FAM83B: variants seen among roughly 807,000 people sequenced by gnomAD.
FAM83B encodes scaffolding CK1 anchoring protein B.
Under a neutral mutation model 38.8 loss-of-function variants are expected in FAM83B, and 26 were observed. The observed-to-expected ratio is 0.67, with a 90% CI of 0.49 to 0.93. The LOEUF (loss-of-function observed/expected upper bound fraction) is 0.93. Among genes scored for constraint, FAM83B ranks in the 40% least tolerant of loss-of-function variants. The pLI is 0.00. For missense variants in FAM83B, 1,237 were observed against 1,197.3 expected (o/e 1.03, Z -0.49); for synonymous variants, 419 against 423.1 (o/e 0.99, Z 0.12).
At chr6:54,883,341 T>TTG (rs1772182259) in intron 2 of FAM83B, among the ~76,000 whole-genome samples, 1 of 148,430 alleles carries the variant, frequency 6.7e-6, no homozygotes, top group Non-Finnish European at 1.5e-5. Flanking sequence ...AGTTTTTTTT[T>TTG]TTTTTTTTTT....
At chr6:54,927,732 A>G (rs1329544159) in intron 4 of FAM83B, 100 bp downstream of exon 4, 6 of 629,034 alleles carry the variant, frequency 9.5e-6, no homozygotes, top group Non-Finnish European at 1.1e-5. Context: ...TAAAAGTAAA[A>G]AAAAAAAAAA....
chr6:54,932,532 C>G (rs1040860850), intron 4 of FAM83B, among the ~76,000 whole-genome samples: 26 of 152,262 alleles, frequency 1.7e-4, no homozygotes, highest in African/African-American at 5.8e-4. Flanking sequence ...GTACAGGTCA[C>G]TTCATTTGTC....
At chr6:54,910,458 T>C (rs983698990) in intron 2 of FAM83B, among the ~76,000 whole-genome samples, 5 of 152,214 alleles carry the variant, frequency 3.3e-5, no homozygotes, top group Non-Finnish European at 5.9e-5. Context: ...TTTCCGAGGC[T>C]AATGCCATGG....
chr6:54,914,621 T>A (rs1187019722), intron 2 of FAM83B, among the ~76,000 whole-genome samples: 2 of 152,184 alleles, frequency 1.3e-5, no homozygotes, highest in Non-Finnish European at 2.9e-5. Flanking sequence ...CTGGAAAATG[T>A]CTAAAACATT....
intron 2 of FAM83B, among the ~76,000 whole-genome samples, chr6:54,914,334 T>A (rs928849464): frequency 6.6e-6 from 1 of 152,192 alleles, no homozygotes; most frequent in African/African-American, 2.4e-5. Flanking sequence ...TTTCATGACA[T>A]AATAAAAAAT....
chr6:54,849,290 G>A (rs758237342), intron 1 of FAM83B, among the ~76,000 whole-genome samples: 30 of 152,198 alleles, frequency 2.0e-4, no homozygotes, highest in Non-Finnish European at 3.8e-4. Context: ...GTGCCAATGG[G>A]CATGGGCACT....
intron 4 of FAM83B, among the ~76,000 whole-genome samples, chr6:54,933,973 G>A (rs539181396): frequency 3.9e-5 from 6 of 152,244 alleles, no homozygotes; most frequent in African/African-American, 1.4e-4. Flanking sequence ...GAATAGGAAT[G>A]AGCTGGCCAA....
intron 2 of FAM83B, among the ~76,000 whole-genome samples, chr6:54,885,332 G>T (rs1300395251): frequency 6.6e-6 from 1 of 151,676 alleles, no homozygotes; most frequent in African/African-American, 2.4e-5. Flanking sequence ...CTGTGTATAG[G>T]CCTCACATAT....
At chr6:54,859,185 C>T (rs963969003) in intron 1 of FAM83B, among the ~76,000 whole-genome samples, 1 of 152,016 alleles carries the variant, frequency 6.6e-6, no homozygotes, top group African/African-American at 2.4e-5. Context: ...CCGCAGCCTC[C>T]TGAGTAGCTG....
At chr6:54,864,296 A>T (rs534674764) in intron 1 of FAM83B, among the ~76,000 whole-genome samples, 12 of 152,274 alleles carry the variant, frequency 7.9e-5, no homozygotes, top group African/African-American at 2.6e-4. Context: ...AAATTGAGGA[A>T]ATTAAAGAAT....
chr6:54,882,289 C>T (rs533851262), intron 2 of FAM83B, among the ~76,000 whole-genome samples: 1 of 152,216 alleles, frequency 6.6e-6, no homozygotes, highest in East Asian at 1.9e-4. Flanking sequence ...TTAATGACAC[C>T]AGTAACAGCT....
At position 54,941,766 on chromosome 6, in the gene FAM83B, G is replaced by A. The variant is rs200887888; in HGVS notation, c.2795G>A (p.Arg932His). ...CTACGATCTCATTCAACTGATCGGC[G>A]TGTTTACAGTCGTTTTGAGCCGTTT... Reference protein sequence around the residue: ...ELLRSHSTDRRVYSRFEPFCK... With the variant: ...ELLRSHSTDRHVYSRFEPFCK... Residue 932 changes from arginine to histidine, a missense_variant, in exon 5 of 5, where the codon CGT (arginine) becomes CAT (histidine). Physicochemically the swap from Arg to His is conservative, Grantham distance 29. Coordinates refer to ENST00000306858, the MANE Select transcript of FAM83B (RefSeq NM_001010872.3). The A allele has an allele frequency of 1.2e-4, 187 of 1,613,948 alleles. No homozygotes were observed. Among genetic ancestry groups the A allele is most frequent in the Admixed American group, 1.3e-4 (8 of 59,968 alleles).
intron 2 of FAM83B, among the ~76,000 whole-genome samples, chr6:54,915,254 A>C (rs1183583721): frequency 6.6e-6 from 1 of 152,188 alleles, no homozygotes; most frequent in Non-Finnish European, 1.5e-5. Context: ...TTTATACACA[A>C]AAATGAAATA....
intron 2 of FAM83B, among the ~76,000 whole-genome samples, chr6:54,905,439 C>T (rs1163626213): frequency 6.6e-6 from 1 of 152,080 alleles, no homozygotes; most frequent in Non-Finnish European, 1.5e-5. Flanking sequence ...ATACATTGTG[C>T]AGTAAATAAA....
intron 4 of FAM83B, 96 bp downstream of exon 4, chr6:54,927,728 T>TAAAAAAAAAAAA (rs1049777485): frequency 3.0e-5 from 3 of 98,930 alleles, no homozygotes; most frequent in Non-Finnish European, 3.1e-5. Context: ...TTCTTAAAAG[T>TAAAAAAAAAAAA]AAAAAAAAAA....
At chr6:54,910,606 C>G (rs909268043) in intron 2 of FAM83B, among the ~76,000 whole-genome samples, 1 of 152,194 alleles carries the variant, frequency 6.6e-6, no homozygotes, top group Non-Finnish European at 1.5e-5. Flanking sequence ...TTTTCTCTTG[C>G]TCCCTCACTC....
intron 2 of FAM83B, among the ~76,000 whole-genome samples, chr6:54,884,295 C>A (rs1188033860): frequency 1.7e-5 from 1 of 59,114 alleles, no homozygotes; most frequent in Non-Finnish European, 2.8e-5. Flanking sequence ...AGCAAGACCC[C>A]GTCTAAAAAA....
In FAM83B at chr6:54,864,168, C is replaced by T. The variant is rs569928129; in HGVS notation, c.-60-6019C>T. Reference sequence around the variant, plus strand: ...ACATGTATTGGGTATTTTTTTCCCCCAATATCTAAAATTCCTGTAGTTTAT... The same window carrying T: ...ACATGTATTGGGTATTTTTTTCCCCTAATATCTAAAATTCCTGTAGTTTAT... On this transcript the variant is annotated intron_variant, in intron 1 of 4. Coordinates refer to ENST00000306858, the MANE Select transcript of FAM83B (RefSeq NM_001010872.3). Among the ~76,000 whole-genome samples, 57 of 151,892 alleles carry T rather than the reference C, an allele frequency of 3.8e-4. 1 individual carries two copies. The highest frequency in any genetic ancestry group is 1.3e-3 in the African/African-American group (53 of 41,446).
intron 1 of FAM83B, among the ~76,000 whole-genome samples, chr6:54,860,327 G>A (rs1304133881): frequency 6.6e-6 from 1 of 152,148 alleles, no homozygotes; most frequent in African/African-American, 2.4e-5. Context: ...AGACAGGGAT[G>A]TGCTTAGAGA....
Sources: gnomAD v4.1 joint callset for allele counts (sites outside exome capture counted in the v4.1 genomes callset) on GRCh38, gnomAD v4.1.1 for gene constraint, MANE v1.5 for transcripts, NCBI Gene and HGNC (gene_info 2026-07-23, HGNC 2026-07-21) for gene names.